The following VTA1 variants were observed in gnomAD, a reference collection of about 807,000 sequenced individuals.
VTA1 encodes the protein vesicle trafficking 1.
In VTA1, 24 loss-of-function variants were observed where a neutral mutation model predicts 36.9. That is an observed-to-expected ratio of 0.65 (90% CI 0.47 to 0.91). The LOEUF (loss-of-function observed/expected upper bound fraction) is 0.91, where lower values mean the gene tolerates loss of function less well. Ranked by LOEUF, VTA1 falls within the 40% of genes least tolerant of loss-of-function variation. The pLI is 0.00. For missense variants in VTA1, 393 were observed against 377.2 expected (o/e 1.04, Z -0.35); for synonymous variants, 142 against 130.2 (o/e 1.09, Z -0.62).
At chr6:142,205,614 T>C (rs2114680356) in intron 7 of VTA1, among the ~76,000 whole-genome samples, 2 of 152,288 alleles carry the variant, frequency 1.3e-5, no homozygotes, top group African/African-American at 4.8e-5. Context: ...CTTCTTTAGA[T>C]ACTCCAAAGA....
In VTA1 at chr6:142,198,054, G is replaced by C. The variant is rs113499567; in HGVS notation, c.521-385G>C. On this transcript the variant is annotated intron_variant, in intron 5 of 7. Coordinates refer to ENST00000367630, the MANE Select transcript of VTA1 (RefSeq NM_016485.5). Reference sequence around the variant, plus strand: ...AGAGCTTGCCGTGAGCTGAGATCACGCCACTGCACTCCAGCCTGGGCAGCA... The same window carrying C: ...AGAGCTTGCCGTGAGCTGAGATCACCCCACTGCACTCCAGCCTGGGCAGCA... Among the ~76,000 whole-genome samples, 1,400 of 149,700 alleles carry C rather than the reference G, an allele frequency of 9.4e-3. 39 individuals are homozygous for C. Among genetic ancestry groups the C allele is most frequent in the South Asian group, 0.069 (327 of 4,754 alleles).
In VTA1 at chr6:142,161,085, C is replaced by G. The variant is rs942752354; in HGVS notation, c.113-5143C>G. Among the ~76,000 whole-genome samples the G allele has an allele frequency of 9.2e-5, 13 of 141,168 alleles. 2 individuals are homozygous for G. Among genetic ancestry groups the G allele is most frequent in the Admixed American group, 2.9e-4 (4 of 14,014 alleles). The allele number at this position is 141,168 out of a possible 152,430, so 92.6% of individuals were successfully genotyped here. On this transcript the variant is annotated intron_variant, in intron 1 of 7. Coordinates refer to ENST00000367630, the MANE Select transcript of VTA1 (RefSeq NM_016485.5). The stretch of plus-strand genomic sequence containing the variant: ...CATTCATGCTTCCTTCCTTCCCCCC[C>G]CCCCCTTTTTTTGGGTCAAATAGTG...
chr6:142,189,729 A>G (rs1775414987), intron 5 of VTA1, among the ~76,000 whole-genome samples, 195 bp downstream of exon 5: 1 of 151,994 alleles, frequency 6.6e-6, no homozygotes, highest in South Asian at 2.1e-4. Flanking sequence ...ATACCTGTCC[A>G]TGTCAACAAA....
intron 1 of VTA1, among the ~76,000 whole-genome samples, chr6:142,148,187 G>A (rs1778493857): frequency 6.6e-6 from 1 of 152,172 alleles, no homozygotes; most frequent in African/African-American, 2.4e-5. Context: ...ATTCTGAAAA[G>A]GATATTTAGA....
chr6:142,181,428 A>G (rs1775236303), intron 4 of VTA1, among the ~76,000 whole-genome samples: 1 of 143,488 alleles, frequency 7.0e-6, no homozygotes, highest in Admixed American at 7.1e-5. Context: ...CCACCGTGCC[A>G]GGCCTGACAC....
chr6:142,175,507 C>T (rs574868336), intron 4 of VTA1, among the ~76,000 whole-genome samples: 22 of 152,154 alleles, frequency 1.4e-4, no homozygotes, highest in Non-Finnish European at 2.5e-4. Context: ...TCTCCCCCAC[C>T]TGTATTTAGA....
chr6:142,194,410 A>G (rs1030932736), intron 5 of VTA1, among the ~76,000 whole-genome samples: 1 of 152,050 alleles, frequency 6.6e-6, no homozygotes, highest in Non-Finnish European at 1.5e-5. Context: ...CTTTCCATTT[A>G]TTTAAGTTTT....
chr6:142,188,893 A>T (rs1775398261), intron 4 of VTA1, among the ~76,000 whole-genome samples: 2 of 152,212 alleles, frequency 1.3e-5, no homozygotes, highest in African/African-American at 4.8e-5. Context: ...CCTTTTTAGA[A>T]TCAGGGTAAC....
At chr6:142,187,035 T>C (rs1276333575) in intron 4 of VTA1, among the ~76,000 whole-genome samples, 3 of 152,222 alleles carry the variant, frequency 2.0e-5, no homozygotes, top group African/African-American at 7.2e-5. Flanking sequence ...TAAATAAATC[T>C]GGGCCCAGAT....
chr6:142,204,812 C>A (rs975238265), intron 7 of VTA1, among the ~76,000 whole-genome samples: 1 of 151,968 alleles, frequency 6.6e-6, no homozygotes, highest in African/African-American at 2.4e-5. Context: ...GCAACCTCTG[C>A]CTCCCGGGTT....
intron 7 of VTA1, among the ~76,000 whole-genome samples, chr6:142,204,870 G>A (rs1248084729): frequency 1.3e-5 from 2 of 150,388 alleles, no homozygotes; most frequent in Non-Finnish European, 2.9e-5. Context: ...GACTACAGGT[G>A]TGCGCCACCA....
chr6:142,179,377 CA>C (rs1033383014), intron 4 of VTA1, among the ~76,000 whole-genome samples: 22 of 151,568 alleles, frequency 1.5e-4, no homozygotes, highest in African/African-American at 4.4e-4. Flanking sequence ...GGTTTTTATC[CA>C]AGAAAAATAA....
chr6:142,203,807 A>G (rs1376814758), intron 6 of VTA1, among the ~76,000 whole-genome samples, 178 bp from the exon 7 acceptor site: 1 of 152,216 alleles, frequency 6.6e-6, no homozygotes, highest in Non-Finnish European at 1.5e-5. Flanking sequence ...TAGCCCATAC[A>G]CATATGTAAA....
intron 2 of VTA1, among the ~76,000 whole-genome samples, chr6:142,168,442 C>T (rs761155): frequency 0.1 from 15,568 of 151,746 alleles, 929 homozygotes; most frequent in Admixed American, 0.16. Flanking sequence ...TACTTTATAA[C>T]ATCTTTGAAA....
chr6:142,180,610 CA>C (rs1381790657), intron 4 of VTA1, among the ~76,000 whole-genome samples: 2 of 152,020 alleles, frequency 1.3e-5, no homozygotes, highest in Non-Finnish European at 2.9e-5. Context: ...TTATTGATAT[CA>C]GAGGAAAATA....
At chr6:142,159,632 G>T (rs914700971) in intron 1 of VTA1, among the ~76,000 whole-genome samples, 1 of 151,404 alleles carries the variant, frequency 6.6e-6, no homozygotes, top group Admixed American at 6.6e-5. Context: ...TCCTGCCGCA[G>T]CCTCCCTAGT....
chr6:142,201,098 A>C (rs1020044133), intron 6 of VTA1, among the ~76,000 whole-genome samples: 3 of 151,822 alleles, frequency 2.0e-5, no homozygotes, highest in African/African-American at 7.2e-5. Flanking sequence ...AATCCTCTCA[A>C]ATTAAAACCT....
chr6:142,165,268 A>G (rs1774891079), intron 1 of VTA1, among the ~76,000 whole-genome samples: 1 of 152,148 alleles, frequency 6.6e-6, no homozygotes, highest in Non-Finnish European at 1.5e-5. Context: ...TGCGGATACA[A>G]TGGTGTATTG....
At chr6:142,197,077 T>G (rs563197400) in intron 5 of VTA1, among the ~76,000 whole-genome samples, 1 of 152,184 alleles carries the variant, frequency 6.6e-6, no homozygotes, top group African/African-American at 2.4e-5. Flanking sequence ...AAATGTTACC[T>G]GGTAAGATTT....
Sources: allele counts gnomAD v4.1 joint callset (sites outside exome capture counted in the v4.1 genomes callset), GRCh38; gene constraint gnomAD v4.1.1; transcripts MANE v1.5; gene names NCBI Gene and HGNC (gene_info 2026-07-23, HGNC 2026-07-21).